The following SEMA6D variants were observed in gnomAD, a reference collection of about 807,000 sequenced individuals.
SEMA6D encodes semaphorin-6D.
SEMA6D carries 35 observed loss-of-function variants against 106.6 expected under a neutral mutation model. The observed-to-expected ratio is 0.33, with a 90% CI of 0.25 to 0.44. The LOEUF is 0.44. SEMA6D is among the 20% of genes least tolerant of loss of function. SEMA6D has a pLI of 1.00. For missense variants in SEMA6D, 1,185 were observed against 1,345.9 expected (o/e 0.88, Z 1.87); for synonymous variants, 499 against 487.7 (o/e 1.02, Z -0.31).
chr15:47,662,674 G>A (rs1022185645), intron 4 of SEMA6D, among the ~76,000 whole-genome samples: 1 of 152,058 alleles, frequency 6.6e-6, no homozygotes, highest in Non-Finnish European at 1.5e-5. Flanking sequence ...ATACTTTAAA[G>A]AATACACGAC....
chr15:47,522,923 G>A (rs188326197), intron 3 of SEMA6D, among the ~76,000 whole-genome samples: 1 of 152,318 alleles, frequency 6.6e-6, no homozygotes, highest in Admixed American at 6.5e-5. Flanking sequence ...ATGGAAGGGA[G>A]TCATTACTAC....
intron 4 of SEMA6D, among the ~76,000 whole-genome samples, chr15:47,632,017 T>A (rs1394139766): frequency 1.3e-5 from 2 of 151,980 alleles, no homozygotes; most frequent in African/African-American, 4.8e-5. Flanking sequence ...TTTTTAAAAT[T>A]TCCTTTGAGA....
chr15:47,214,962 A>G (rs1300249544), intron 1 of SEMA6D, among the ~76,000 whole-genome samples: 1 of 151,782 alleles, frequency 6.6e-6, no homozygotes, highest in Non-Finnish European at 1.5e-5. Flanking sequence ...TGACAGTTAC[A>G]TGGATTTAAA....
At chr15:47,281,709 A>G (rs2035128551) in intron 1 of SEMA6D, among the ~76,000 whole-genome samples, 1 of 152,122 alleles carries the variant, frequency 6.6e-6, no homozygotes, top group South Asian at 2.1e-4. Context: ...AGAGCACAGT[A>G]TAATGTTAAC....
intron 17 of SEMA6D, 43 bp from the exon 18 acceptor site, chr15:47,768,538 C>G: frequency 6.9e-7 from 1 of 1,444,078 alleles, no homozygotes; most frequent in East Asian, 2.4e-5. Flanking sequence ...CAAAAAAAAT[C>G]TTGACACTAT....
At chr15:47,325,970 A>T (rs1471360514) in intron 1 of SEMA6D, among the ~76,000 whole-genome samples, 1 of 152,206 alleles carries the variant, frequency 6.6e-6, no homozygotes, top group Admixed American at 6.5e-5. Context: ...TAGAGCCTGC[A>T]TAGTTAATTG....
chr15:47,443,705 T>C (rs558536387), intron 2 of SEMA6D, among the ~76,000 whole-genome samples: 2 of 152,220 alleles, frequency 1.3e-5, no homozygotes, highest in African/African-American at 4.8e-5. Context: ...CACTAGAAAA[T>C]ATCAAAGTAA....
chr15:47,444,823 C>A (rs1401893718), intron 2 of SEMA6D, among the ~76,000 whole-genome samples: 1 of 152,046 alleles, frequency 6.6e-6, no homozygotes, highest in Admixed American at 6.6e-5. Context: ...ACAGTGCACT[C>A]TTTTAGCTTT....
At chr15:47,315,959 T>C (rs2036652024) in intron 1 of SEMA6D, among the ~76,000 whole-genome samples, 1 of 152,072 alleles carries the variant, frequency 6.6e-6, no homozygotes, top group Non-Finnish European at 1.5e-5. Flanking sequence ...TCCTGTATCC[T>C]TAGTATGATA....
chr15:47,690,613 CT>C (rs1416497219), intron 4 of SEMA6D, among the ~76,000 whole-genome samples: 3 of 152,094 alleles, frequency 2.0e-5, no homozygotes, highest in Non-Finnish European at 2.9e-5. Context: ...GCATTACCAC[CT>C]TGTGTCTTCA....
intron 2 of SEMA6D, among the ~76,000 whole-genome samples, chr15:47,432,816 C>A (rs979729692): frequency 6.6e-5 from 10 of 152,058 alleles, no homozygotes; most frequent in African/African-American, 2.2e-4. Flanking sequence ...ACTAAAAGTG[C>A]AAATGATTAA....
chr15:47,365,890 G>GAGAGAGAGAGAGAGAGA (rs1346586280), intron 1 of SEMA6D, among the ~76,000 whole-genome samples: 2 of 119,746 alleles, frequency 1.7e-5, no homozygotes, highest in African/African-American at 3.7e-5. Context: ...GAGAGAGAGA[G>GAGAGAGAGAGAGAGAGA]GAGAGAGAGA....
chr15:47,263,223 T>C (rs2142113817), intron 1 of SEMA6D, among the ~76,000 whole-genome samples: 1 of 152,256 alleles, frequency 6.6e-6, no homozygotes, highest in South Asian at 2.1e-4. Context: ...AAACAGCCTC[T>C]GCACAGCAAA....
At chr15:47,194,079 GTGGATGGGTGGATGGGTGGATGGA>G (rs1177662919) in intron 1 of SEMA6D, among the ~76,000 whole-genome samples, 4 of 151,496 alleles carry the variant, frequency 2.6e-5, no homozygotes, top group South Asian at 2.1e-4. Context: ...GGATGGATGG[GTGGATGGGTGGATGGGTGGATGGA>G]TGGATGGGTG....
intron 1 of SEMA6D, among the ~76,000 whole-genome samples, chr15:47,194,071 ATGGATGGG>A (rs958226408): frequency 2.7e-4 from 38 of 143,208 alleles, no homozygotes; most frequent in South Asian, 1.3e-3. Context: ...AGGTGGATGG[ATGGATGGG>A]TGGATGGGTG....
chr15:47,322,540 T>C (rs1496904), intron 1 of SEMA6D, among the ~76,000 whole-genome samples: 119,908 of 152,024 alleles, frequency 0.79, 47,931 homozygotes, highest in East Asian at 0.96. Context: ...AATGTTGCAG[T>C]CTTCTCAGCG....
intron 1 of SEMA6D, among the ~76,000 whole-genome samples, chr15:47,215,570 A>T (rs1371790946): frequency 6.6e-6 from 1 of 152,190 alleles, no homozygotes; most frequent in African/African-American, 2.4e-5. Context: ...TTAATACAGG[A>T]ATTCATTCAT....
At chr15:47,599,094 C>A (rs146025402) in intron 3 of SEMA6D, among the ~76,000 whole-genome samples, 1 of 152,204 alleles carries the variant, frequency 6.6e-6, no homozygotes, top group African/African-American at 2.4e-5. Flanking sequence ...ATGCAGATTT[C>A]ATAGAGCAGG....
intron 3 of SEMA6D, among the ~76,000 whole-genome samples, chr15:47,591,079 G>A (rs2076430673): frequency 6.6e-6 from 1 of 152,122 alleles, no homozygotes; most frequent in African/African-American, 2.4e-5. Context: ...GTAGATGTAG[G>A]GAAGTTCAAG....
Sources: gnomAD v4.1 joint callset for allele counts (sites outside exome capture counted in the v4.1 genomes callset) on GRCh38, gnomAD v4.1.1 for gene constraint, MANE v1.5 for transcripts, NCBI Gene and HGNC (gene_info 2026-07-23, HGNC 2026-07-21) for gene names.